Variants in SPATA33 observed in about 807,000 individuals in gnomAD.
The protein encoded by SPATA33 is spermatogenesis-associated protein 33.
In SPATA33, 10 loss-of-function variants were observed where a neutral mutation model predicts 8.9. The ratio of observed to expected loss-of-function variants is 1.12; its 90% CI spans 0.69 to 1.90. The LOEUF is 1.90. SPATA33 is among the 40% of genes most tolerant of loss of function. The pLI is 0.00. For synonymous variants in SPATA33, 96 were observed against 72.8 expected, an observed-to-expected ratio of 1.32 and a Z score of -1.63; for missense variants, 241 against 178.3, an observed-to-expected ratio of 1.35 and a Z score of -2.00.
chr16:89,661,066 T>C (rs1287529239), intron 2 of SPATA33: 11 of 986,576 alleles, frequency 1.1e-5, no homozygotes, highest in Non-Finnish European at 1.3e-5. Flanking sequence ...CCTGAACCCA[T>C]AAAATCCAGA....
At chr16:89,665,827 T>C (rs1010550848) in intron 2 of SPATA33, among the ~76,000 whole-genome samples, 2 of 151,946 alleles carry the variant, frequency 1.3e-5, no homozygotes, top group African/African-American at 4.8e-5. Context: ...ACGCCTGTAA[T>C]CCCGGCACTT....
rs2060076387 is a variant in SPATA33 at position 89,669,775 on chromosome 16, TCTC to T, written c.*280_*282del. 2.1e-6 allele frequency: 1 copy of T among 465,906 alleles called. No homozygotes were observed. Among genetic ancestry groups the T allele is most frequent in the African/African-American group, 2.2e-5 (1 of 46,042 alleles). The allele number at this position is 465,906 out of a possible 1,614,324, so 28.9% of individuals were successfully genotyped here. A position where few individuals can be genotyped will look rare whatever the true frequency, so the allele number is the denominator to read the frequency against. On this transcript the variant is annotated 3_prime_UTR_variant, in exon 3 of 3. Coordinates refer to ENST00000579310, the MANE Select transcript of SPATA33 (RefSeq NM_001271907.2). ...CCGCCGTGAGAAACTGCAGTCCCCT[TCTC>T]CAGTGCTCTCGGGGAGGGTGCACCA...
At chr16:89,669,183 C>A in intron 2 of SPATA33, 103 bp from the exon 3 acceptor site, 1 of 1,080,064 alleles carries the variant, frequency 9.3e-7, no homozygotes, top group Non-Finnish European at 1.4e-6. Flanking sequence ...TTCTGCTAAC[C>A]ATACATCTTA....
At position 89,669,847 on chromosome 16, in the gene SPATA33, G is replaced by T; in HGVS notation, c.*350G>T. On this transcript the variant is annotated 3_prime_UTR_variant, in exon 3 of 3. Coordinates refer to ENST00000579310, the MANE Select transcript of SPATA33 (RefSeq NM_001271907.2). ...AGAACCTGCAGCCCCCTTCTCCAAT[G>T]CTCTCGGGGAGGGTACACCAGGGTT... is the stretch of plus-strand genomic sequence containing the variant. The T allele has an allele frequency of 3.1e-6, 1 of 320,486 alleles. No individual in the cohort carries two copies. Among genetic ancestry groups the T allele is most frequent in the Non-Finnish European group, 5.9e-6 (1 of 170,186 alleles). 19.9% of individuals were successfully genotyped at this position (320,486 alleles called of 1,614,324 possible).
intron 2 of SPATA33, among the ~76,000 whole-genome samples, chr16:89,668,678 G>A (rs1215321014): frequency 6.6e-6 from 1 of 152,138 alleles, no homozygotes; most frequent in African/African-American, 2.4e-5. Context: ...GGGGTGGGCG[G>A]CTGTGCCCGA....
chr16:89,661,723 AAAG>A (rs1460710739), intron 2 of SPATA33, among the ~76,000 whole-genome samples: 1 of 152,172 alleles, frequency 6.6e-6, no homozygotes, highest in Non-Finnish European at 1.5e-5. Flanking sequence ...ACTTGAAAAA[AAAG>A]GAGGGGATGT....
chr16:89,657,822 C>T (rs1316020114), upstream of SPATA33: 8 of 1,510,456 alleles, frequency 5.3e-6, no homozygotes, highest in East Asian at 2.7e-5. Context: ...ACGCCGCTGG[C>T]GCGAGGACCT....
At chr16:89,658,984 A>T (rs1568009863) in intron 2 of SPATA33, 1 of 153,970 alleles carries the variant, frequency 6.5e-6, no homozygotes, top group African/African-American at 2.4e-5. Context: ...TACCACGTGG[A>T]GCTGGAAGCG....
rs2059912611 is a variant in SPATA33, at chr16:89,658,323, A to C, written c.113A>C (p.Glu38Ala). The change falls in exon 2 of 3, where the codon GAA (glutamate) becomes GCA (alanine). Residue 38 changes from glutamate to alanine, a missense_variant. Physicochemically the swap from Glu to Ala is moderately radical, Grantham distance 107. Transcript: ENST00000579310. ...AAGTTGATGGAGAAGCATTCCCAGG[A>C]AGCCAGGCAGGCAGACAGGGAGTCG... The part of the protein sequence containing the change: ...KEKLMEKHSQ[E>A]ARQADRESEK... 7 of 1,614,154 alleles carry C rather than the reference A, an allele frequency of 4.3e-6. No individual in the cohort carries two copies. Among genetic ancestry groups the C allele is most frequent in the African/African-American group, 4.0e-5 (3 of 75,072 alleles).
chr16:89,662,687 A>G (rs553094560), intron 2 of SPATA33, among the ~76,000 whole-genome samples: 2 of 152,234 alleles, frequency 1.3e-5, no homozygotes, highest in Admixed American at 6.5e-5. Flanking sequence ...TCGGCCTCCC[A>G]AAGTGCTGAG....
At position 89,657,990 on chromosome 16, in the gene SPATA33, C is replaced by G. The variant is rs929508012; in HGVS notation, c.37+42C>G. 8 of 1,503,358 alleles carry G rather than the reference C, an allele frequency of 5.3e-6. No individual in the cohort carries two copies. In the African/African-American group the frequency reaches 1.2e-4, roughly 22 times the overall value. The allele number at this position is 1,503,358 out of a possible 1,614,324, so 93.1% of individuals were successfully genotyped here. On this transcript the variant is annotated intron_variant, in intron 1 of 2. Transcript: ENST00000579310. ...CGCTGGGCTCCCCGCGTCTCCGCCCCTGGGCGCGGGCCCAGGGCGGGGCTG... is the reference window on the plus strand; with the variant it reads ...CGCTGGGCTCCCCGCGTCTCCGCCCGTGGGCGCGGGCCCAGGGCGGGGCTG...
intron 2 of SPATA33, chr16:89,660,446 G>C (rs575987880): frequency 3.2e-6 from 4 of 1,231,170 alleles, no homozygotes; most frequent in Non-Finnish European, 3.0e-6. Context: ...ACCAGAGGGT[G>C]GGGGAGGAAG....
chr16:89,660,492 G>A, intron 2 of SPATA33: 1 of 1,231,930 alleles, frequency 8.1e-7, no homozygotes, highest in Non-Finnish European at 1.0e-6. Flanking sequence ...GCAAGAGTGA[G>A]AACAGAGTTT....
chr16:89,660,626 C>A, intron 2 of SPATA33: 2 of 1,100,484 alleles, frequency 1.8e-6, no homozygotes, highest in Non-Finnish European at 2.3e-6. Context: ...CTGAGTGAGA[C>A]AAGCCAGAGG....
At chr16:89,665,062 C>G (rs1283576526) in intron 2 of SPATA33, among the ~76,000 whole-genome samples, 2 of 150,508 alleles carry the variant, frequency 1.3e-5, no homozygotes, top group Non-Finnish European at 3.0e-5. Context: ...GTGGCACCAT[C>G]TTGGCTCATT....
At chr16:89,667,016 C>T (rs258316) in intron 2 of SPATA33, among the ~76,000 whole-genome samples, 111,283 of 152,114 alleles carry the variant, frequency 0.73, 42,300 homozygotes, top group Middle Eastern at 0.85. Flanking sequence ...TGGATAACTG[C>T]GGGCAAGCCT....
In SPATA33 at chr16:89,657,851, C is replaced by G. The variant is rs1361357560; in HGVS notation, c.-61C>G. On this transcript the variant is annotated 5_prime_UTR_variant, in exon 1 of 3. Coordinates refer to ENST00000579310, the MANE Select transcript of SPATA33 (RefSeq NM_001271907.2). ...AGGACCTTTTGTGAGTCGCTCCCGG[C>G]TCCGCGGCCGCGGAGGTGTGGGGAC... 4.0e-6 allele frequency: 6 copies of G among 1,509,712 alleles called. No individual in the cohort carries two copies. Among genetic ancestry groups the G allele is most frequent in the Admixed American group, 2.1e-5 (1 of 46,990 alleles). 93.5% of individuals were successfully genotyped at this position (1,509,712 alleles called of 1,614,324 possible). A position where few individuals can be genotyped will look rare whatever the true frequency, so the allele number is the denominator to read the frequency against.
chr16:89,667,264 TGTC>T (rs1044476533), intron 2 of SPATA33, among the ~76,000 whole-genome samples: 3 of 152,210 alleles, frequency 2.0e-5, no homozygotes, highest in African/African-American at 7.2e-5. Flanking sequence ...CTCACACTCT[TGTC>T]TTCTGGTCAC....
At position 89,663,006 on chromosome 16, in the gene SPATA33, C is replaced by T. The variant is rs2059982954; in HGVS notation, c.211+4585C>T. 8.6e-5 allele frequency among the ~76,000 whole-genome samples: 13 copies of T among 150,672 alleles called. No homozygotes were observed. The South Asian group carries it at 2.7e-3, about 32-fold the overall frequency. ...ACGGGGTTTCACCATGTTGGTCAGG[C>T]TGGTCTCAAACTCCTGACTTTGTGA... On this transcript the variant is annotated intron_variant, in intron 2 of 2. Coordinates refer to ENST00000579310, the MANE Select transcript of SPATA33 (RefSeq NM_001271907.2).
Sources: allele counts gnomAD v4.1 joint callset (sites outside exome capture counted in the v4.1 genomes callset), GRCh38; gene constraint gnomAD v4.1.1; transcripts MANE v1.5; gene names NCBI Gene and HGNC (gene_info 2026-07-23, HGNC 2026-07-21).